VPS39: variants seen among roughly 807,000 people sequenced by gnomAD.
VPS39 encodes the protein VPS39 subunit of HOPS complex, also known as vam6/Vps39-like protein.
A neutral mutation model predicts 121.0 loss-of-function variants in VPS39; 70 were observed. The ratio of observed to expected loss-of-function variants is 0.58; its 90% CI spans 0.48 to 0.71. VPS39 has a LOEUF of 0.71. Among genes scored for constraint, VPS39 ranks in the 30% least tolerant of loss-of-function variants. The pLI is 0.00. For missense variants in VPS39, 818 were observed against 1,051.5 expected (o/e 0.78, Z 3.07); for synonymous variants, 378 against 398.1 (o/e 0.95, Z 0.60).
intron 5 of VPS39, 33 bp from the exon 6 acceptor site, chr15:42,187,889 C>A: frequency 6.3e-7 from 1 of 1,579,452 alleles, no homozygotes; most frequent in Non-Finnish European, 8.7e-7. Flanking sequence ...AATGAAAATA[C>A]AATGACTCTC....
rs2049827241 is a variant in VPS39 at position 42,191,556 on chromosome 15, G to A, written c.144C>T (p.Cys48=). The A allele has an allele frequency of 6.2e-7, 1 of 1,613,514 alleles. No homozygotes were observed. Among genetic ancestry groups the A allele is most frequent in the African/African-American group, 1.3e-5 (1 of 74,858 alleles). ...LLYRIRKDVG[C]NRFEVTLEKS... The stretch of plus-strand genomic sequence containing the variant: ...TCTCTAGTGTCACTTCAAATCTGTT[G>A]CAACCTATGGAAAACAAATAAACAC... Residue 48 remains cysteine, a synonymous_variant, in exon 3 of 25, where the codon TGC becomes TGT. Transcript: ENST00000318006.
chr15:42,180,906 C>T (rs1326017335), intron 8 of VPS39, among the ~76,000 whole-genome samples: 1 of 152,082 alleles, frequency 6.6e-6, no homozygotes, highest in East Asian at 1.9e-4. Context: ...GGAACCCTTG[C>T]GCACTGTTGG....
chr15:42,165,087 C>T lies in VPS39; in HGVS notation c.1806G>A (p.Glu602=). The change falls in exon 18 of 25, where the codon GAG becomes GAA. Residue 602 remains glutamate (E), a synonymous_variant. Coordinates refer to ENST00000318006, the MANE Select transcript of VPS39 (RefSeq NM_015289.5). ...GGCAGTTGTGGAACCGAGAGCCTGTCTCCTCCCAAACATGGATGATGTGTT... is the reference window on the plus strand; with the variant it reads ...GGCAGTTGTGGAACCGAGAGCCTGTTTCCTCCCAAACATGGATGATGTGTT... The part of the protein sequence containing the change: ...YLEHIIHVWE[E]TGSRFHNCLI... 6.2e-7 allele frequency: 1 copy of T among 1,614,234 alleles called. No individual in the cohort carries two copies. The highest frequency in any genetic ancestry group is 8.5e-7 in the Non-Finnish European group (1 of 1,180,034).
In VPS39 at chr15:42,167,449, G is replaced by C. The variant is rs759379721; in HGVS notation, c.1322C>G (p.Ser441Cys). 1 of 1,614,176 alleles carries C rather than the reference G, an allele frequency of 6.2e-7. No individual in the cohort carries two copies. The highest frequency in any genetic ancestry group is 1.1e-5 in the South Asian group (1 of 91,074). Residue 441 changes from serine to cysteine, a missense_variant, in exon 13 of 25, where the codon TCC (serine) becomes TGC (cysteine). Ser to Cys is a moderately radical substitution (Grantham distance 112). Coordinates refer to ENST00000318006, the MANE Select transcript of VPS39 (RefSeq NM_015289.5). ...GATGATTTGTAGCAGCTTCTTCTTG[G>C]ATTTGATGGTGGGAGTGCCTTCCAT... ...PLMEGTPTIK[S>C]KKKLLQIIDT...
intron 1 of VPS39, among the ~76,000 whole-genome samples, chr15:42,202,796 C>G (rs1259950094): frequency 6.6e-6 from 1 of 152,116 alleles, no homozygotes. Flanking sequence ...TCTGGGGACC[C>G]CTGTGACACC....
intron 2 of VPS39, among the ~76,000 whole-genome samples, chr15:42,196,037 C>A (rs962343589): frequency 6.6e-6 from 1 of 152,180 alleles, no homozygotes; most frequent in Non-Finnish European, 1.5e-5. Flanking sequence ...ACCATCTGAT[C>A]TTTGACAAAC....
chr15:42,180,721 A>T (rs2049564240), intron 8 of VPS39, among the ~76,000 whole-genome samples: 1 of 152,242 alleles, frequency 6.6e-6, no homozygotes, highest in African/African-American at 2.4e-5. Context: ...TTTGTATACT[A>T]TATGAAACAT....
intron 2 of VPS39, among the ~76,000 whole-genome samples, chr15:42,198,019 T>C (rs1182594579): frequency 6.6e-6 from 1 of 152,176 alleles, no homozygotes; most frequent in Non-Finnish European, 1.5e-5. Flanking sequence ...AATCTACCTA[T>C]GGCGAAACCA....
chr15:42,191,266 T>A (rs1191682411), intron 3 of VPS39, 99 bp from the exon 4 acceptor site: 2 of 1,408,016 alleles, frequency 1.4e-6, no homozygotes, highest in Non-Finnish European at 2.0e-6. Flanking sequence ...ACGGAGCCTA[T>A]CCAGTTACAG....
chr15:42,169,642 A>T (rs1277732608), intron 12 of VPS39, 82 bp downstream of exon 12: 11 of 1,449,668 alleles, frequency 7.6e-6, no homozygotes. Context: ...GGCATTAGAG[A>T]AGGCCCTCAA....
At chr15:42,160,920 T>TG in intron 24 of VPS39, 91 bp from the exon 25 acceptor site, 3 of 1,344,524 alleles carry the variant, frequency 2.2e-6, no homozygotes, top group Non-Finnish European at 1.1e-6. Context: ...GGCACATTGC[T>TG]GGGGGGCCAT....
Position 42,189,078 on chromosome 15 carries a change from A to G in VPS39, c.342+36T>C, listed in dbSNP as rs367820412. ...GATGTAGGAAAGACTGTATTGATTA[A>G]AGCATAAAGCCAAATTTCATCTTGG... On this transcript the variant is annotated intron_variant, in intron 5 of 24. Transcript: ENST00000318006. 6 of 1,506,720 alleles carry G rather than the reference A, an allele frequency of 4.0e-6. No individual in the cohort carries two copies. In the African/African-American group the frequency reaches 6.9e-5, roughly 17 times the overall value. The allele number at this position is 1,506,720 out of a possible 1,614,324, so 93.3% of individuals were successfully genotyped here.
chr15:42,192,720 A>G (rs1416680287), intron 2 of VPS39, among the ~76,000 whole-genome samples: 2 of 151,780 alleles, frequency 1.3e-5, no homozygotes, highest in Non-Finnish European at 2.9e-5. Flanking sequence ...CACTTCCTAC[A>G]CTTGAAAGCG....
chr15:42,192,052 G>A, intron 2 of VPS39: 2 of 1,536,322 alleles, frequency 1.3e-6, no homozygotes, highest in Non-Finnish European at 1.7e-6. Flanking sequence ...GCAATTCAAT[G>A]CGTCTACACT....
intron 24 of VPS39, chr15:42,161,480 T>C: frequency 4.3e-6 from 3 of 703,466 alleles, no homozygotes; most frequent in Non-Finnish European, 7.8e-6. Flanking sequence ...ATACCATACA[T>C]TGCAGGTCTT....
chr15:42,177,162 TAA>T (rs369967285), intron 10 of VPS39, among the ~76,000 whole-genome samples: 4,602 of 56,254 alleles, frequency 0.082, 518 homozygotes, highest in African/African-American at 0.2. Context: ...GACCCTGTTT[TAA>T]AAAAAAAAAA....
chr15:42,195,847 G>A (rs1237905863), intron 2 of VPS39, among the ~76,000 whole-genome samples: 1 of 152,160 alleles, frequency 6.6e-6, no homozygotes, highest in African/African-American at 2.4e-5. Flanking sequence ...AACCAAAAAA[G>A]AGCCTGCATT....
chr15:42,190,240 A>G (rs1168783861), intron 4 of VPS39, among the ~76,000 whole-genome samples: 1 of 152,208 alleles, frequency 6.6e-6, no homozygotes, highest in African/African-American at 2.4e-5. Context: ...TCCCCTGTGC[A>G]TTTTGTACTA....
intron 18 of VPS39, chr15:42,164,717 G>A (rs935847309): frequency 4.9e-6 from 7 of 1,429,966 alleles, no homozygotes; most frequent in Non-Finnish European, 6.4e-6. Context: ...GGGCAAACCT[G>A]TTTCTTATCA....
Sources: gnomAD v4.1 joint callset for allele counts (sites outside exome capture counted in the v4.1 genomes callset) on GRCh38, gnomAD v4.1.1 for gene constraint, MANE v1.5 for transcripts, NCBI Gene and HGNC (gene_info 2026-07-23, HGNC 2026-07-21) for gene names.